Variants in NKAPD1 observed in about 807,000 individuals in gnomAD.
NKAPD1 encodes the protein NKAP domain containing 1.
Under a neutral mutation model 30.9 loss-of-function variants are expected in NKAPD1, and 12 were observed. The ratio of observed to expected loss-of-function variants is 0.39; its 90% CI spans 0.25 to 0.63. The LOEUF (loss-of-function observed/expected upper bound fraction) is 0.63, where lower values mean the gene tolerates loss of function less well. Among genes scored for constraint, NKAPD1 ranks in the 20% least tolerant of loss-of-function variants. The probability of loss-of-function intolerance (pLI) is 0.51; values close to 1 mark genes in which losing one functional copy is unlikely to be tolerated. For synonymous variants in NKAPD1, 91 were observed against 113.6 expected, an observed-to-expected ratio of 0.80 and a Z score of 1.26; for missense variants, 311 against 344.5, an observed-to-expected ratio of 0.90 and a Z score of 0.77.
intron 2 of NKAPD1, among the ~76,000 whole-genome samples, chr11:112,076,494 G>C (rs768391917): frequency 6.6e-6 from 1 of 152,106 alleles, no homozygotes; most frequent in Non-Finnish European, 1.5e-5. Context: ...CTGCATAGTC[G>C]AAAATCCATG....
At chr11:112,080,891 A>G (rs1865436153) in intron 4 of NKAPD1, 1 of 285,324 alleles carries the variant, frequency 3.5e-6, no homozygotes, top group Non-Finnish European at 6.7e-6. Context: ...TTTATGTACT[A>G]TGTCCATACA....
rs947631557 is a variant in NKAPD1, at chr11:112,075,673, C to T, written c.69+30C>T. 17 of 1,599,316 alleles carry T rather than the reference C, an allele frequency of 1.1e-5. No individual in the cohort carries two copies. In the Admixed American group the frequency reaches 1.6e-4, roughly 15 times the overall value. ...GAGGTACAACCTAGTTACTCCTCAA[C>T]GCTTACTGAAGGCAAGCAGTGTGCC... On this transcript the variant is annotated intron_variant, in intron 2 of 5. Transcript: ENST00000393047.
Position 112,084,011 on chromosome 11 carries a change from A to G in NKAPD1, c.*1039A>G, listed in dbSNP as rs1865520608. On this transcript the variant is annotated 3_prime_UTR_variant, in exon 6 of 6. Transcript: ENST00000393047. Reference sequence around the variant, plus strand: ...GTATGTTAATTCTTAAGAAACCAACATATCACTGAAAGAAGGCTGGCAGAA... The same window carrying G: ...GTATGTTAATTCTTAAGAAACCAACGTATCACTGAAAGAAGGCTGGCAGAA... The G allele has an allele frequency of 1.3e-5, 2 of 152,658 alleles. No individual in the cohort carries two copies. The highest frequency in any genetic ancestry group is 2.1e-4 in the South Asian group (1 of 4,836). The allele number at this position is 152,658 out of a possible 1,614,324, so 9.5% of individuals were successfully genotyped here.
At position 112,074,522 on chromosome 11, in the gene NKAPD1, C is replaced by G; in HGVS notation, c.-403C>G. The G allele has an allele frequency of 2.5e-6, 1 of 399,094 alleles. No homozygotes were observed. Among genetic ancestry groups the G allele is most frequent in the Non-Finnish European group, 4.4e-6 (1 of 226,118 alleles). The allele number at this position is 399,094 out of a possible 1,614,324, so 24.7% of individuals were successfully genotyped here. A position where few individuals can be genotyped will look rare whatever the true frequency, so the allele number is the denominator to read the frequency against. On this transcript the variant is annotated 5_prime_UTR_variant, in exon 1 of 6. Transcript: ENST00000393047. Reference sequence around the variant, plus strand: ...ACCCCCGCTTCAGGCTCCCTAGATACTTTCTGGGGCCCAACCGAAGGCCGT... The same window carrying G: ...ACCCCCGCTTCAGGCTCCCTAGATAGTTTCTGGGGCCCAACCGAAGGCCGT...
chr11:112,077,838 C>CTT (rs779925830), intron 2 of NKAPD1, among the ~76,000 whole-genome samples: 5 of 139,710 alleles, frequency 3.6e-5, no homozygotes, highest in African/African-American at 7.8e-5. Context: ...CAGTTAGTTG[C>CTT]TTTTTTTTTT....
In NKAPD1 at chr11:112,079,141, A is replaced by ATTT. The variant is rs35305300; in HGVS notation, c.170+845_170+847dup. On this transcript the variant is annotated intron_variant, in intron 3 of 5. Transcript: ENST00000393047. ...ACCTGGTACATAGGAGGCCCTTACA[A>ATTT]TTTTTTTTTTTTTTTTTTTTTGAGA... 7.9e-4 allele frequency among the ~76,000 whole-genome samples: 91 copies of ATTT among 115,884 alleles called. 4 individuals are homozygous for ATTT. Among genetic ancestry groups the ATTT allele is most frequent in the African/African-American group, 7.4e-4 (22 of 29,552 alleles). The allele number at this position is 115,884 out of a possible 152,430, so 76.0% of individuals were successfully genotyped here.
At chr11:112,079,245 A>G (rs1300689708) in intron 3 of NKAPD1, among the ~76,000 whole-genome samples, 1 of 146,604 alleles carries the variant, frequency 6.8e-6, no homozygotes, top group African/African-American at 2.5e-5. Flanking sequence ...TCCTGGATTC[A>G]GCCAATTCTT....
Position 112,083,028 on chromosome 11 carries a change from T to G in NKAPD1, c.*56T>G. 1 of 1,525,636 alleles carries G rather than the reference T, an allele frequency of 6.6e-7. No homozygotes were observed. Among genetic ancestry groups the G allele is most frequent in the East Asian group, 2.3e-5 (1 of 44,316 alleles). 94.5% of individuals were successfully genotyped at this position (1,525,636 alleles called of 1,614,324 possible). A position where few individuals can be genotyped will look rare whatever the true frequency, so the allele number is the denominator to read the frequency against. On this transcript the variant is annotated 3_prime_UTR_variant, in exon 6 of 6. Coordinates refer to ENST00000393047, the MANE Select transcript of NKAPD1 (RefSeq NM_018195.4). ...GTGGATATTTACAGTTCTTACTCCT[T>G]GTGGTTTTGCCAGTGACTCTTGTTC...
At chr11:112,075,427 AG>A in intron 1 of NKAPD1, 139 bp from the exon 2 acceptor site, 1 of 633,140 alleles carries the variant, frequency 1.6e-6, no homozygotes, top group South Asian at 2.0e-5. Flanking sequence ...TTAATGGTAA[AG>A]GGAAAACTAT....
chr11:112,079,232 G>A (rs774672030), intron 3 of NKAPD1, among the ~76,000 whole-genome samples: 3 of 138,162 alleles, frequency 2.2e-5, no homozygotes, highest in Non-Finnish European at 4.5e-5. Context: ...TGCAACCTCC[G>A]CCTCCTGGAT....
chr11:112,083,129 TTAAGC>T lies in NKAPD1; in HGVS notation c.*159_*163del. 1.5e-6 allele frequency: 1 copy of T among 668,542 alleles called. No individual in the cohort carries two copies. 41.4% of individuals were successfully genotyped at this position (668,542 alleles called of 1,614,324 possible). On this transcript the variant is annotated 3_prime_UTR_variant, in exon 6 of 6. Coordinates refer to ENST00000393047, the MANE Select transcript of NKAPD1 (RefSeq NM_018195.4). Reference sequence around the variant, plus strand: ...AGACGTCTTGTCTTCTATTTTGGCGTTAAGCTTGATCCCCTTTTCTTGTTAAAAGG... The same window carrying T: ...AGACGTCTTGTCTTCTATTTTGGCGTTTGATCCCCTTTTCTTGTTAAAAGG...
At chr11:112,080,287 T>TTTTAA in intron 3 of NKAPD1, 122 bp from the exon 4 acceptor site, 1 of 822,406 alleles carries the variant, frequency 1.2e-6, no homozygotes, top group South Asian at 1.8e-5. Context: ...TTTTTTTTTT[T>TTTTAA]AAACAGTATC....
intron 2 of NKAPD1, among the ~76,000 whole-genome samples, chr11:112,077,557 A>T (rs565030076): frequency 6.6e-6 from 1 of 152,236 alleles, no homozygotes; most frequent in East Asian, 1.9e-4. Flanking sequence ...TCCTCATGAG[A>T]TTGCTTAAGG....
Position 112,078,535 on chromosome 11 carries a change from C to T in NKAPD1, c.170+220C>T, listed in dbSNP as rs549806651. 3.3e-5 allele frequency among the ~76,000 whole-genome samples: 5 copies of T among 152,174 alleles called. No homozygotes were observed. In the South Asian group the frequency reaches 8.3e-4, roughly 25 times the overall value. ...ACAATGGAGAGTTAAAAAATTCTAC[C>T]TGAACAATTATGAATGTGTAGGGTT... On this transcript the variant is annotated intron_variant, in intron 3 of 5. Coordinates refer to ENST00000393047, the MANE Select transcript of NKAPD1 (RefSeq NM_018195.4).
chr11:112,081,287 C>G (rs1298925), intron 4 of NKAPD1: 1 of 150,692 alleles, frequency 6.6e-6, no homozygotes, highest in Non-Finnish European at 1.5e-5. Flanking sequence ...GATTGCACCA[C>G]TGCACTCCAG....
chr11:112,078,190 T>C lies in NKAPD1; in HGVS notation c.70-25T>C, dbSNP rs201952993. 36 of 1,530,952 alleles carry C rather than the reference T, an allele frequency of 2.4e-5. No homozygotes were observed. In the East Asian group the frequency reaches 8.1e-4, roughly 35 times the overall value. The allele number at this position is 1,530,952 out of a possible 1,614,324, so 94.8% of individuals were successfully genotyped here. A position where few individuals can be genotyped will look rare whatever the true frequency, so the allele number is the denominator to read the frequency against. On this transcript the variant is annotated intron_variant, in intron 2 of 5. Transcript: ENST00000393047. ...GTAAAGTTATTTTTAGTAACTTATT[T>C]TTATTTCCTTTTTAAAAATTCTAGA...
rs1055378150 is a variant in NKAPD1, at chr11:112,083,826, A to G, written c.*854A>G. On this transcript the variant is annotated 3_prime_UTR_variant, in exon 6 of 6. Transcript: ENST00000393047. ...TTAAATGTTGTCTTGTTCATTTCTA[A>G]ATCTGTTCATGAAGTTTAGGTTTTC... The G allele has an allele frequency of 1.3e-5, 2 of 152,538 alleles. No individual in the cohort carries two copies. Among genetic ancestry groups the G allele is most frequent in the Non-Finnish European group, 2.9e-5 (2 of 68,014 alleles). The allele number at this position is 152,538 out of a possible 1,614,324, so 9.4% of individuals were successfully genotyped here.
rs7123075 is a variant in NKAPD1 at position 112,084,524 on chromosome 11, G to A, written c.*1552G>A. ...TTTTGGGATTAGTGGGGGTCTAAAG[G>A]GAGAAGAATAGTCTCTAATTACTAC... On this transcript the variant is annotated 3_prime_UTR_variant, in exon 6 of 6. Coordinates refer to ENST00000393047, the MANE Select transcript of NKAPD1 (RefSeq NM_018195.4). 1 of 152,642 alleles carries A rather than the reference G, an allele frequency of 6.6e-6. No homozygotes were observed. The highest frequency in any genetic ancestry group is 2.1e-4 in the South Asian group (1 of 4,820). 9.5% of individuals were successfully genotyped at this position (152,642 alleles called of 1,614,324 possible).
chr11:112,076,683 A>G (rs1377813180), intron 2 of NKAPD1, among the ~76,000 whole-genome samples: 1 of 152,230 alleles, frequency 6.6e-6, no homozygotes, highest in Non-Finnish European at 1.5e-5. Context: ...CACATTGAGT[A>G]GGCTGAGGAG....
Sources: allele counts gnomAD v4.1 joint callset (sites outside exome capture counted in the v4.1 genomes callset), GRCh38; gene constraint gnomAD v4.1.1; transcripts MANE v1.5; gene names NCBI Gene and HGNC (gene_info 2026-07-23, HGNC 2026-07-21).